Variants in PCDHGA1 observed in about 807,000 individuals in gnomAD.
The protein encoded by PCDHGA1 is protocadherin gamma-A1.
PCDHGA1 carries 32 observed loss-of-function variants against 58.0 expected under a neutral mutation model. The observed-to-expected ratio is 0.55, with a 90% CI of 0.42 to 0.74. The LOEUF is 0.74. PCDHGA1 is among the 30% of genes least tolerant of loss of function. The pLI, the probability that PCDHGA1 is intolerant of heterozygous loss-of-function variation, is 0.00. For synonymous variants in PCDHGA1, 498 were observed against 501.1 expected (o/e 0.99, Z 0.08); for missense variants, 1,205 against 1,182.3 (o/e 1.02, Z -0.28).
At chr5:141,427,188 A>G (rs1346514063) in intron 1 of PCDHGA1, 1 of 456,744 alleles carries the variant, frequency 2.2e-6, no homozygotes, top group Admixed American at 2.3e-5. Flanking sequence ...AATTAAATCC[A>G]AAGACTTAAT....
chr5:141,332,891 C>G lies in PCDHGA1; in HGVS notation c.2207C>G (p.Pro736Arg). 1.2e-6 allele frequency: 2 copies of G among 1,614,238 alleles called. No individual in the cohort carries two copies. The highest frequency in any genetic ancestry group is 1.7e-6 in the Non-Finnish European group (2 of 1,180,036). Residue 736 changes from proline (P) to arginine (R), a missense_variant, in exon 1 of 4, where the codon CCC (proline) becomes CGC (arginine). Pro to Arg is a moderately radical substitution (Grantham distance 103). Transcript: ENST00000517417. This position sits in a 1 kb window ranked among gnomAD's most constrained non-coding sequence, Gnocchi z 4.6. ...QASGGGLASMPGSHFVGVDGV... is the reference protein window; with the variant it reads ...QASGGGLASMRGSHFVGVDGV... Reference sequence around the variant, plus strand: ...TCGGGAGGCGGCTTAGCGAGCATGCCCGGTTCGCACTTTGTGGGCGTGGAC... The same window carrying G: ...TCGGGAGGCGGCTTAGCGAGCATGCGCGGTTCGCACTTTGTGGGCGTGGAC...
At chr5:141,375,093 T>A (rs1394979484) in intron 1 of PCDHGA1, 1 of 1,613,962 alleles carries the variant, frequency 6.2e-7, no homozygotes, top group South Asian at 1.1e-5. Context: ...TTAATAACTA[T>A]CTTGGATGTC....
At position 141,511,410 on chromosome 5, in the gene PCDHGA1, T is replaced by A; in HGVS notation, c.*237T>A. The stretch of plus-strand genomic sequence containing the variant: ...GGAACCCCCATCCAATCAACTGCTG[T>A]ACCCATGGGGGTAGTGGGGTTACTG... On this transcript the variant is annotated 3_prime_UTR_variant, in exon 4 of 4. Coordinates refer to ENST00000517417, the MANE Select transcript of PCDHGA1 (RefSeq NM_018912.3). 1 of 908,820 alleles carries A rather than the reference T, an allele frequency of 1.1e-6. No individual in the cohort carries two copies. The highest frequency in any genetic ancestry group is 1.6e-6 in the Non-Finnish European group (1 of 624,202). 56.3% of individuals were successfully genotyped at this position (908,820 alleles called of 1,614,324 possible). A position where few individuals can be genotyped will look rare whatever the true frequency, so the allele number is the denominator to read the frequency against.
chr5:141,428,557 C>T (rs2097147196), intron 1 of PCDHGA1: 2 of 242,520 alleles, frequency 8.2e-6, no homozygotes, highest in Non-Finnish European at 1.6e-5. Context: ...AACAGTCCCC[C>T]CACAAGATCT....
intron 1 of PCDHGA1, among the ~76,000 whole-genome samples, chr5:141,402,210 TTAAAA>T (rs1240114840): frequency 6.6e-6 from 1 of 152,008 alleles, no homozygotes; most frequent in African/African-American, 2.4e-5. Context: ...ATACAAAAAT[TTAAAA>T]TAAACGTTTT....
intron 1 of PCDHGA1, chr5:141,355,735 T>C: frequency 6.2e-7 from 1 of 1,613,956 alleles, no homozygotes; most frequent in African/African-American, 1.3e-5. Flanking sequence ...CGGTTACTTT[T>C]CCCTGGACGT....
At chr5:141,399,592 G>A (rs1385029299) in intron 1 of PCDHGA1, 4 of 1,613,880 alleles carry the variant, frequency 2.5e-6, no homozygotes, top group Non-Finnish European at 3.4e-6. Flanking sequence ...CTCTATCATG[G>A]CCAGCGACCT....
intron 1 of PCDHGA1, chr5:141,418,727 C>T: frequency 6.2e-7 from 1 of 1,613,976 alleles, no homozygotes; most frequent in Non-Finnish European, 8.5e-7. Flanking sequence ...CAAAGCTCAG[C>T]ACGTGTTCTC....
chr5:141,336,502 G>A (rs555457356), intron 1 of PCDHGA1, among the ~76,000 whole-genome samples: 1 of 152,292 alleles, frequency 6.6e-6, no homozygotes, highest in African/African-American at 2.4e-5. Context: ...ATGGATGAAA[G>A]TAAAAATGAG....
rs965707754 is a variant in PCDHGA1 at position 141,505,329 on chromosome 5, G to A, written c.2481-64G>A. On this transcript the variant is annotated intron_variant, in intron 2 of 3. Coordinates refer to ENST00000517417, the MANE Select transcript of PCDHGA1 (RefSeq NM_018912.3). ...ACTAGGTTTGGGAGCCCTGGGAGAG[G>A]ACAGGAGGGGCATGAGCTGTGCCGG... is the stretch of plus-strand genomic sequence containing the variant. The A allele has an allele frequency of 2.5e-6, 4 of 1,610,060 alleles. No individual in the cohort carries two copies. The African/African-American group carries it at 5.3e-5, about 22-fold the overall frequency.
rs766885846 is a variant in PCDHGA1 at position 141,393,434 on chromosome 5, TCAC to T, written c.2421+60334_2421+60336del. The stretch of plus-strand genomic sequence containing the variant: ...CCCTGGACAGGGAGGAAGAGGCTGC[TCAC>T]CACCTGGTCCTCACGGCCTCGGATG... On this transcript the variant is annotated intron_variant, in intron 1 of 3. Coordinates refer to ENST00000517417, the MANE Select transcript of PCDHGA1 (RefSeq NM_018912.3). 11 of 1,613,902 alleles carry T rather than the reference TCAC, an allele frequency of 6.8e-6. No individual in the cohort carries two copies. The African/African-American group carries it at 1.2e-4, about 18-fold the overall frequency.
At chr5:141,363,643 A>G (rs193285139) in intron 1 of PCDHGA1, among the ~76,000 whole-genome samples, 2 of 152,388 alleles carry the variant, frequency 1.3e-5, no homozygotes, top group Non-Finnish European at 2.9e-5. Flanking sequence ...CCTCACAAGT[A>G]ACAAAGATCT....
rs979645454 is a variant in PCDHGA1 at position 141,364,198 on chromosome 5, C to T, written c.2421+31093C>T. 3.6e-6 allele frequency: 4 copies of T among 1,108,464 alleles called. No individual in the cohort carries two copies. In the African/African-American group the frequency reaches 4.8e-5, roughly 13 times the overall value. 68.7% of individuals were successfully genotyped at this position (1,108,464 alleles called of 1,614,324 possible). ...GCTCCCTCCATACTAAACACACAGACCAGACAAGCTCCTACGAAAAGCCAA... is the reference window on the plus strand; with the variant it reads ...GCTCCCTCCATACTAAACACACAGATCAGACAAGCTCCTACGAAAAGCCAA... On this transcript the variant is annotated intron_variant, in intron 1 of 3. Transcript: ENST00000517417.
Position 141,491,436 on chromosome 5 carries a change from G to A in PCDHGA1, c.2422-3371G>A, listed in dbSNP as rs771884610. ...ACGGGGGTGGAGGGCAGTGCTGCAG[G>A]CGCCAGGACTCACCCTCCCCGGACT... On this transcript the variant is annotated intron_variant, in intron 1 of 3. Coordinates refer to ENST00000517417, the MANE Select transcript of PCDHGA1 (RefSeq NM_018912.3). This position sits in a 1 kb window ranked among gnomAD's most constrained non-coding sequence, Gnocchi z 6.9. 1 of 1,614,070 alleles carries A rather than the reference G, an allele frequency of 6.2e-7. No individual in the cohort carries two copies. The highest frequency in any genetic ancestry group is 8.5e-7 in the Non-Finnish European group (1 of 1,180,034).
chr5:141,431,767 T>C lies in PCDHGA1; in HGVS notation c.2422-63040T>C. The C allele has an allele frequency of 1.2e-6, 2 of 1,614,224 alleles. No homozygotes were observed. Among genetic ancestry groups the C allele is most frequent in the Non-Finnish European group, 1.7e-6 (2 of 1,180,034 alleles). ...CTGCGCGAGCCAAAGTCCTGATCAC[T>C]GTTCTGGACGTGAACGACAATGCCC... On this transcript the variant is annotated intron_variant, in intron 1 of 3. Coordinates refer to ENST00000517417, the MANE Select transcript of PCDHGA1 (RefSeq NM_018912.3). This position sits in a 1 kb window ranked among gnomAD's most constrained non-coding sequence, Gnocchi z 4.8.
rs149314216 is a variant in PCDHGA1, at chr5:141,487,041, G to A, written c.2422-7766G>A. 2.1e-3 allele frequency: 3,442 copies of A among 1,614,128 alleles called. 3 individuals carry two copies. Among genetic ancestry groups the A allele is most frequent in the Non-Finnish European group, 2.7e-3 (3,235 of 1,180,026 alleles). ...GATCCCAGCCTGTTTGCAGTCTCTC[G>A]ATATGCTGGGGAGGTGCGGACGGCT... On this transcript the variant is annotated intron_variant, in intron 1 of 3. Transcript: ENST00000517417. The surrounding 1 kb of genome is among the most constrained non-coding windows in gnomAD (Gnocchi z 5.0).
chr5:141,352,850 T>G (rs1470279292), intron 1 of PCDHGA1, among the ~76,000 whole-genome samples: 1 of 152,078 alleles, frequency 6.6e-6, no homozygotes, highest in East Asian at 1.9e-4. Flanking sequence ...TAGTTGGGTG[T>G]GGTGGCACGC....
intron 1 of PCDHGA1, chr5:141,375,475 C>G (rs774489564): frequency 1.9e-6 from 3 of 1,613,884 alleles, no homozygotes; most frequent in Non-Finnish European, 2.5e-6. Context: ...TCCTTGAAAA[C>G]AACCCCAGGG....
rs191642740 is a variant in PCDHGA1 at position 141,509,833 on chromosome 5, C to T, written c.2570-1114C>T. On this transcript the variant is annotated intron_variant, in intron 3 of 3. Coordinates refer to ENST00000517417, the MANE Select transcript of PCDHGA1 (RefSeq NM_018912.3). ...GAGCTCTTCTCCATCTTCTCTCTAC[C>T]TCCCATTCACTCAGAACAGGGATAA... 2.6e-5 allele frequency among the ~76,000 whole-genome samples: 4 copies of T among 152,300 alleles called. No individual in the cohort carries two copies. The East Asian group carries it at 7.7e-4, about 29-fold the overall frequency.
Sources: allele counts gnomAD v4.1 joint callset (sites outside exome capture counted in the v4.1 genomes callset), GRCh38; gene constraint gnomAD v4.1.1; non-coding constraint Gnocchi (gnomAD v3.1); transcripts MANE v1.5; gene names NCBI Gene and HGNC (gene_info 2026-07-23, HGNC 2026-07-21).